DTD1: variants seen among roughly 807,000 people sequenced by gnomAD.
DTD1 encodes D-aminoacyl-tRNA deacylase 1, also known as D-tyrosyl-tRNA deacylase 1 homolog.
DTD1 carries 13 observed loss-of-function variants against 25.6 expected under a neutral mutation model. That is an observed-to-expected ratio of 0.51 (90% CI 0.33 to 0.81). The LOEUF (loss-of-function observed/expected upper bound fraction) is 0.81, where lower values mean the gene tolerates loss of function less well. DTD1 is among the 30% of genes least tolerant of loss of function. The pLI, the probability that DTD1 is intolerant of heterozygous loss-of-function variation, is 0.02. For missense variants in DTD1, 193 were observed against 266.4 expected, an observed-to-expected ratio of 0.72 and a Z score of 1.92; for synonymous variants, 110 against 103.6, an observed-to-expected ratio of 1.06 and a Z score of -0.37.
At chr20:18,657,383 A>G (rs1330824956) in intron 4 of DTD1, among the ~76,000 whole-genome samples, 6 of 152,346 alleles carry the variant, frequency 3.9e-5, no homozygotes, top group South Asian at 4.1e-4. Flanking sequence ...GAAAATAGAC[A>G]AAGAACCTCT....
intron 5 of DTD1, among the ~76,000 whole-genome samples, chr20:18,757,238 G>C (rs147586111): frequency 0.038 from 5,843 of 152,178 alleles, 237 homozygotes; most frequent in African/African-American, 0.097. Context: ...TTGACTTCCT[G>C]TTTTCCTAAT....
chr20:18,628,153 G>A lies in DTD1; in HGVS notation c.397G>A (p.Val133Met), dbSNP rs370279612. The A allele has an allele frequency of 1.7e-5, 27 of 1,613,726 alleles. No individual in the cohort carries two copies. Among genetic ancestry groups the A allele is most frequent in the Non-Finnish European group, 2.2e-5 (26 of 1,179,818 alleles). ...TGGCAAGTTTGGGGCCTACATGCAG[G>A]TGCACATTCAGAATGATGGGCCTGT... ...KDGKFGAYMQVHIQNDGPVTI... is the reference protein window; with the variant it reads ...KDGKFGAYMQMHIQNDGPVTI... Residue 133 changes from valine to methionine, a missense_variant, in exon 4 of 6, where the codon GTG (valine) becomes ATG (methionine). Physicochemically the swap from Val to Met is conservative, Grantham distance 21 (BLOSUM62 1). Coordinates refer to ENST00000377452, the MANE Select transcript of DTD1 (RefSeq NM_080820.6).
At chr20:18,729,315 T>C (rs1243534531) in intron 4 of DTD1, among the ~76,000 whole-genome samples, 1 of 152,256 alleles carries the variant, frequency 6.6e-6, no homozygotes, top group Non-Finnish European at 1.5e-5. Context: ...GACAGTTTTG[T>C]CGTGGTTTGC....
At position 18,753,483 on chromosome 20, in the gene DTD1, C is replaced by T. The variant is rs149125077; in HGVS notation, c.*19+9212C>T. On this transcript the variant is annotated intron_variant, in intron 5 of 5. Transcript: ENST00000377452. ...ATTAGCCAGGTGTGGTAGTGTACGC[C>T]TGTAATCCTAGCTACTCAGGAGGCT... Among the ~76,000 whole-genome samples, 372 of 151,838 alleles carry T rather than the reference C, an allele frequency of 2.4e-3. 7 individuals carry two copies. Among genetic ancestry groups the T allele is most frequent in the Admixed American group, 0.02 (304 of 15,218 alleles).
At chr20:18,648,113 T>C (rs1664636771) in intron 4 of DTD1, among the ~76,000 whole-genome samples, 1 of 152,180 alleles carries the variant, frequency 6.6e-6, no homozygotes, top group Non-Finnish European at 1.5e-5. Flanking sequence ...TGTTGGCTCA[T>C]ATTATAGATA....
intron 3 of DTD1, chr20:18,620,033 TTGTC>T (rs1425991903): frequency 2.0e-5 from 3 of 152,314 alleles, no homozygotes; most frequent in East Asian, 3.9e-4. Flanking sequence ...TCTATTCTTT[TTGTC>T]TGTCTGTCTT....
chr20:18,752,210 A>C (rs555592808), intron 5 of DTD1, among the ~76,000 whole-genome samples: 1 of 151,746 alleles, frequency 6.6e-6, no homozygotes, highest in African/African-American at 2.4e-5. Context: ...CTGTGATTTG[A>C]TGTCTGTTAT....
intron 4 of DTD1, among the ~76,000 whole-genome samples, chr20:18,667,957 C>T (rs1258967806): frequency 3.3e-5 from 5 of 152,158 alleles, no homozygotes; most frequent in Non-Finnish European, 5.9e-5. Context: ...AATGCTTATA[C>T]GTGCGAAGGT....
At chr20:18,591,821 A>G (rs1398379404) in intron 1 of DTD1, among the ~76,000 whole-genome samples, 1 of 152,224 alleles carries the variant, frequency 6.6e-6, no homozygotes, top group Non-Finnish European at 1.5e-5. Flanking sequence ...AAATGAGCAA[A>G]CCAACCCCCA....
chr20:18,733,530 G>A (rs1366848097), intron 4 of DTD1, among the ~76,000 whole-genome samples: 1 of 152,178 alleles, frequency 6.6e-6, no homozygotes, highest in Non-Finnish European at 1.5e-5. Context: ...ATCCCACTAT[G>A]GTCTGAAACA....
intron 4 of DTD1, among the ~76,000 whole-genome samples, chr20:18,729,195 G>T (rs1159154623): frequency 6.6e-6 from 1 of 152,200 alleles, no homozygotes; most frequent in Non-Finnish European, 1.5e-5. Flanking sequence ...GTGGAGTGGG[G>T]TTTTTCCATG....
intron 4 of DTD1, among the ~76,000 whole-genome samples, chr20:18,663,437 T>G (rs2060919291): frequency 6.6e-6 from 1 of 152,258 alleles, no homozygotes; most frequent in Non-Finnish European, 1.5e-5. Flanking sequence ...GTATGGCTCA[T>G]TTAATTTAAT....
intron 4 of DTD1, among the ~76,000 whole-genome samples, chr20:18,656,058 A>G (rs1315845510): frequency 1.3e-5 from 2 of 152,132 alleles, no homozygotes; most frequent in Admixed American, 6.6e-5. Flanking sequence ...GGTGTGAGCC[A>G]CCACACCTGG....
At chr20:18,671,315 G>A (rs191899398) in intron 4 of DTD1, among the ~76,000 whole-genome samples, 1 of 152,326 alleles carries the variant, frequency 6.6e-6, no homozygotes, top group East Asian at 1.9e-4. Context: ...GTTGTAAAGA[G>A]TCTGGGGTCA....
intron 5 of DTD1, among the ~76,000 whole-genome samples, chr20:18,751,220 A>G (rs1006432699): frequency 6.6e-6 from 1 of 152,110 alleles, no homozygotes; most frequent in African/African-American, 2.4e-5. Context: ...TCTCATGTCC[A>G]TGTGCTGGTA....
intron 4 of DTD1, chr20:18,631,876 A>G (rs1317710882): frequency 2.1e-5 from 21 of 985,140 alleles, no homozygotes; most frequent in Non-Finnish European, 2.5e-5. Flanking sequence ...TTTTGCCTTT[A>G]GAATCTTCAC....
chr20:18,667,661 A>AGC (rs2122383470), intron 4 of DTD1, among the ~76,000 whole-genome samples: 1 of 149,844 alleles, frequency 6.7e-6, no homozygotes, highest in South Asian at 2.2e-4. Flanking sequence ...GACTTTCAGC[A>AGC]ACTATGACAT....
chr20:18,705,639 G>A (rs543774473), intron 4 of DTD1, among the ~76,000 whole-genome samples: 1 of 151,924 alleles, frequency 6.6e-6, no homozygotes, highest in Non-Finnish European at 1.5e-5. Flanking sequence ...CTCAGAGGCA[G>A]AGGCCTCAGT....
intron 3 of DTD1, among the ~76,000 whole-genome samples, chr20:18,613,042 G>A (rs1009999792): frequency 6.6e-6 from 1 of 152,158 alleles, no homozygotes; most frequent in African/African-American, 2.4e-5. Flanking sequence ...CAGCGGAGGG[G>A]TTTTTGGGCC....
Sources: allele counts gnomAD v4.1 joint callset (sites outside exome capture counted in the v4.1 genomes callset), GRCh38; gene constraint gnomAD v4.1.1; transcripts MANE v1.5; gene names NCBI Gene and HGNC (gene_info 2026-07-23, HGNC 2026-07-21).